KDM4C: variants seen among roughly 807,000 people sequenced by gnomAD.
The protein encoded by KDM4C is lysine-specific demethylase 4C.
KDM4C carries 81 observed loss-of-function variants against 129.3 expected under a neutral mutation model. The observed-to-expected ratio is 0.63, with a 90% CI of 0.52 to 0.75. The LOEUF (loss-of-function observed/expected upper bound fraction) is 0.75. KDM4C is among the 30% of genes least tolerant of loss of function. The pLI is 0.00. For missense variants in KDM4C, 1,457 were observed against 1,304.0 expected (o/e 1.12, Z -1.81); for synonymous variants, 573 against 456.1 (o/e 1.26, Z -3.26).
chr9:6,887,501 A>G (rs908779831), intron 6 of KDM4C, among the ~76,000 whole-genome samples: 16 of 152,174 alleles, frequency 1.1e-4, no homozygotes, highest in East Asian at 5.8e-4. Flanking sequence ...AGGTGGGGGA[A>G]CTACTCTGTC....
At chr9:7,108,630 C>T (rs1030078878) in intron 18 of KDM4C, among the ~76,000 whole-genome samples, 4 of 152,118 alleles carry the variant, frequency 2.6e-5, no homozygotes, top group African/African-American at 9.7e-5. Flanking sequence ...GGGCTTAGGA[C>T]AGGAGAGGAC....
At chr9:6,912,585 A>G (rs140658581) in intron 8 of KDM4C, among the ~76,000 whole-genome samples, 21 of 152,330 alleles carry the variant, frequency 1.4e-4, no homozygotes, top group Middle Eastern at 3.4e-3. Flanking sequence ...CCATGTACAA[A>G]TTGTTCATTG....
At position 7,104,020 on chromosome 9, in the gene KDM4C, G is replaced by A. The variant is rs763716296; in HGVS notation, c.2610+150G>A. ...TGAGTTCCTTGAGGGCAGGGATTGCGCACTGTTATTTCCTGGTATTTGCCT... is the reference window on the plus strand; with the variant it reads ...TGAGTTCCTTGAGGGCAGGGATTGCACACTGTTATTTCCTGGTATTTGCCT... On this transcript the variant is annotated intron_variant, in intron 18 of 21. Transcript: ENST00000381309. The A allele has an allele frequency of 4.4e-5, 30 of 687,494 alleles. No homozygotes were observed. The South Asian group carries it at 4.8e-4, about 11-fold the overall frequency. The allele number at this position is 687,494 out of a possible 1,614,324, so 42.6% of individuals were successfully genotyped here.
At chr9:6,805,464 CT>C (rs373482627) in intron 2 of KDM4C, 134 bp from the exon 3 acceptor site, 114,085 of 451,180 alleles carry the variant, frequency 0.25, 923 homozygotes, top group Non-Finnish European at 0.27. Context: ...AAATATTCAT[CT>C]TTTTTTTTTT....
chr9:7,170,857 TGAAGAA>T (rs377480339), intron 21 of KDM4C: 3 of 691,576 alleles, frequency 4.3e-6, no homozygotes, highest in East Asian at 1.4e-4. Flanking sequence ...GGGCCATACT[TGAAGAA>T]GAAGAATTGT....
intron 8 of KDM4C, among the ~76,000 whole-genome samples, chr9:6,976,341 TTAA>T (rs1832907363): frequency 6.6e-6 from 1 of 152,174 alleles, no homozygotes; most frequent in Non-Finnish European, 1.5e-5. Context: ...GAAATAACTG[TTAA>T]TAATAGATTC....
chr9:6,763,965 G>T (rs1454956714), intron 1 of KDM4C, among the ~76,000 whole-genome samples: 1 of 152,156 alleles, frequency 6.6e-6, no homozygotes, highest in African/African-American at 2.4e-5. Context: ...CTCCGTGTTG[G>T]TTAGGCTGGT....
At chr9:6,824,295 C>G (rs1056837104) in intron 4 of KDM4C, among the ~76,000 whole-genome samples, 4 of 152,168 alleles carry the variant, frequency 2.6e-5, no homozygotes, top group Non-Finnish European at 5.9e-5. Flanking sequence ...GCTCCAGTCT[C>G]TAGCATAGGG....
chr9:6,805,772 C>G lies in KDM4C; in HGVS notation c.318C>G (p.Gly106=), dbSNP rs1472737098. 10 of 1,609,488 alleles carry G rather than the reference C, an allele frequency of 6.2e-6. No homozygotes were observed. Among genetic ancestry groups the G allele is most frequent in the Non-Finnish European group, 8.5e-6 (10 of 1,178,364 alleles). The stretch of plus-strand genomic sequence containing the variant: ...AGTTCAGGCAGCTGGCCAACAGTGG[C>G]AAGTGAGTAGAATCAGTTTGCTATT... ...VKEFRQLANS[G]KYCTPRYLDY... The change falls in exon 3 of 22, where the codon GGC becomes GGG. Residue 106 remains glycine, a splice_region_variant and synonymous_variant. Coordinates refer to ENST00000381309, the MANE Select transcript of KDM4C (RefSeq NM_015061.6).
intron 18 of KDM4C, among the ~76,000 whole-genome samples, chr9:7,121,906 T>C (rs1296472010): frequency 6.6e-6 from 1 of 152,196 alleles, no homozygotes; most frequent in Non-Finnish European, 1.5e-5. Context: ...TGTTTTTCTA[T>C]GTTTACTTCC....
In KDM4C at chr9:6,771,080, CTTTTTTTTTTTTTTTT is replaced by C. The variant is rs35945405; in HGVS notation, c.-18+12891_-18+12906del. ...TGAGCCACTGCGCCCGACTGTGAAT[CTTTTTTTTTTTTTTTT>C]TTTTTTTTTTTTTAAGAGATGAGGT... On this transcript the variant is annotated intron_variant, in intron 1 of 21. Transcript: ENST00000381309. Among the ~76,000 whole-genome samples, 13 of 56,952 alleles carry C rather than the reference CTTTTTTTTTTTTTTTT, an allele frequency of 2.3e-4. 1 individual carries two copies. Among genetic ancestry groups the C allele is most frequent in the African/African-American group, 7.6e-4 (10 of 13,238 alleles). 37.4% of individuals were successfully genotyped at this position (56,952 alleles called of 152,430 possible).
intron 4 of KDM4C, among the ~76,000 whole-genome samples, chr9:6,843,828 AT>A (rs1396242647): frequency 7.2e-5 from 11 of 152,306 alleles, no homozygotes; most frequent in African/African-American, 2.6e-4. Flanking sequence ...GTCTAAAAAA[AT>A]CTTTTTTGTA....
chr9:6,997,226 C>G lies in KDM4C; in HGVS notation c.1786+6702C>G, dbSNP rs373842899. On this transcript the variant is annotated intron_variant, in intron 12 of 21. Coordinates refer to ENST00000381309, the MANE Select transcript of KDM4C (RefSeq NM_015061.6). ...TGACAGCTGATTGGTAAGGGGGAGC[C>G]AAGTTGTGGCCGTTGAGGAGAAATT... is the stretch of plus-strand genomic sequence containing the variant. Among the ~76,000 whole-genome samples the G allele has an allele frequency of 4.9e-4, 74 of 152,238 alleles. 1 individual carries two copies. The South Asian group carries it at 0.015, about 31-fold the overall frequency.
intron 15 of KDM4C, among the ~76,000 whole-genome samples, chr9:7,020,440 T>C (rs761129262): frequency 6.6e-6 from 1 of 152,232 alleles, no homozygotes; most frequent in Non-Finnish European, 1.5e-5. Flanking sequence ...ATAAATCAGC[T>C]TTATTATTTC....
At chr9:6,739,547 G>A (rs1432705104) in intron 1 of KDM4C, among the ~76,000 whole-genome samples, 6 of 151,900 alleles carry the variant, frequency 3.9e-5, no homozygotes, top group African/African-American at 7.3e-5. Flanking sequence ...CAGTAAAGTA[G>A]CATTAAATGT....
At chr9:7,129,666 A>G (rs1190278451) in intron 19 of KDM4C, among the ~76,000 whole-genome samples, 3 of 152,030 alleles carry the variant, frequency 2.0e-5, no homozygotes, top group Admixed American at 1.3e-4. Context: ...GGGTAAATGG[A>G]TGCTTTCTCT....
intron 4 of KDM4C, among the ~76,000 whole-genome samples, chr9:6,836,956 G>A (rs560484088): frequency 6.6e-6 from 1 of 152,144 alleles, no homozygotes; most frequent in East Asian, 1.9e-4. Flanking sequence ...AGGTATTTAC[G>A]TAGGAATGGA....
chr9:6,915,972 A>G (rs368908587), intron 8 of KDM4C, among the ~76,000 whole-genome samples: 1 of 152,214 alleles, frequency 6.6e-6, no homozygotes, highest in East Asian at 1.9e-4. Flanking sequence ...CAAGGTAATC[A>G]GGGTTATAGG....
At chr9:6,889,211 T>TGTGTGTGTGTGTG (rs1845737956) in intron 7 of KDM4C, among the ~76,000 whole-genome samples, 2 of 61,552 alleles carry the variant, frequency 3.2e-5, no homozygotes, top group East Asian at 5.9e-4. Flanking sequence ...GGCCTTCTTT[T>TGTGTGTGTGTGTG]TGTGTGTGTG....
Sources: allele counts gnomAD v4.1 joint callset (sites outside exome capture counted in the v4.1 genomes callset), GRCh38; gene constraint gnomAD v4.1.1; transcripts MANE v1.5; gene names NCBI Gene and HGNC (gene_info 2026-07-23, HGNC 2026-07-21).